Variants in PHLDB3 observed in about 807,000 individuals in gnomAD.
The protein encoded by PHLDB3 is pleckstrin homology like domain family B member 3, also known as pleckstrin homology-like domain family B member 3.
A neutral mutation model predicts 85.7 loss-of-function variants in PHLDB3; 86 were observed. The ratio of observed to expected loss-of-function variants is 1.00; its 90% CI spans 0.84 to 1.20. The LOEUF (loss-of-function observed/expected upper bound fraction) is 1.20, where lower values mean the gene tolerates loss of function less well. Ranked by LOEUF, PHLDB3 falls within the 50% of genes most tolerant of loss-of-function variation. The pLI is 0.00. For missense variants in PHLDB3, 995 were observed against 873.0 expected, an observed-to-expected ratio of 1.14 and a Z score of -1.76; for synonymous variants, 376 against 349.8, an observed-to-expected ratio of 1.07 and a Z score of -0.83.
chr19:43,495,657 C>T, intron 6 of PHLDB3, 37 bp from the exon 7 acceptor site: 1 of 1,582,114 alleles, frequency 6.3e-7, no homozygotes. Context: ...CCCCAGCCAG[C>T]TCTCCAGGCC....
In PHLDB3 at chr19:43,479,472, C is replaced by T. The variant is rs371414695; in HGVS notation, c.1607G>A (p.Arg536His). 3.7e-4 allele frequency: 577 copies of T among 1,562,122 alleles called. No homozygotes were observed. The highest frequency in any genetic ancestry group is 4.5e-4 in the Non-Finnish European group (523 of 1,153,774). The change falls in exon 14 of 16, where the codon CGT becomes CAT. Residue 536 changes from arginine (R) to histidine (H), a missense_variant. Coordinates refer to ENST00000292140, the MANE Select transcript of PHLDB3 (RefSeq NM_198850.4). ...PHVQVSGCCC[R>H]GPLVKMGGRI... ...GCCGCCCATCTTCACCAGGGGTCCA[C>T]GGCAGCAGCACCCAGACACCTGCAC... is the stretch of plus-strand genomic sequence containing the variant.
intron 8 of PHLDB3, 53 bp from the exon 9 acceptor site, chr19:43,494,868 T>G: frequency 7.2e-7 from 1 of 1,391,216 alleles, no homozygotes; most frequent in African/African-American, 1.4e-5. Flanking sequence ...CCAGAGCAAC[T>G]GCCAGTTTCC....
intron 5 of PHLDB3, 44 bp from the exon 6 acceptor site, chr19:43,497,323 G>C (rs1392976893): frequency 1.5e-6 from 2 of 1,358,656 alleles, no homozygotes; most frequent in East Asian, 2.9e-5. Flanking sequence ...GAATCCCTAA[G>C]ACCCCAGGGA....
chr19:43,489,417 C>A (rs572605630), intron 9 of PHLDB3, among the ~76,000 whole-genome samples: 1 of 145,468 alleles, frequency 6.9e-6, no homozygotes, highest in South Asian at 2.2e-4. Flanking sequence ...ATAGAATAAA[C>A]TAGGTATGCA....
In PHLDB3 at chr19:43,493,567, G is replaced by A. The variant is rs183447948; in HGVS notation, c.1149+1135C>T. Among the ~76,000 whole-genome samples, 264 of 151,398 alleles carry A rather than the reference G, an allele frequency of 1.7e-3. 1 individual carries two copies. Among genetic ancestry groups the A allele is most frequent in the Admixed American group, 3.7e-3 (56 of 15,134 alleles). On this transcript the variant is annotated intron_variant, in intron 9 of 15. Coordinates refer to ENST00000292140, the MANE Select transcript of PHLDB3 (RefSeq NM_198850.4). ...GGATCACCTGAGCCTGGGAGGTTGA[G>A]GCTGCAGTGAGCTGTGATCCCACCA...
intron 9 of PHLDB3, among the ~76,000 whole-genome samples, chr19:43,491,648 C>A (rs1056728772): frequency 6.7e-6 from 1 of 148,628 alleles, no homozygotes; most frequent in African/African-American, 2.5e-5. Flanking sequence ...ATTATAGGCA[C>A]GCACCAGCAC....
Position 43,503,938 on chromosome 19 carries a change from C to G in PHLDB3, c.181G>C (p.Glu61Gln), listed in dbSNP as rs755450660. The part of the protein sequence containing the change: ...EQQAEEEEVG[E>Q]GSSTESSRDA... ...CGGCTGCTCTCAGTGCTGCTGCCTTCTCCCACTTCTTCTTCCTCTGCCTGC... is the reference window on the plus strand; with the variant it reads ...CGGCTGCTCTCAGTGCTGCTGCCTTGTCCCACTTCTTCTTCCTCTGCCTGC... The change falls in exon 2 of 16, where the codon GAA becomes CAA. Residue 61 changes from glutamate (E) to glutamine (Q), a missense_variant. Coordinates refer to ENST00000292140, the MANE Select transcript of PHLDB3 (RefSeq NM_198850.4). The G allele has an allele frequency of 1.9e-6, 3 of 1,613,822 alleles. No homozygotes were observed. The African/African-American group carries it at 4.0e-5, about 22-fold the overall frequency.
chr19:43,477,928 G>T, intron 15 of PHLDB3, 119 bp downstream of exon 15: 1 of 666,982 alleles, frequency 1.5e-6, no homozygotes, highest in Non-Finnish European at 2.6e-6. Context: ...GTACTCCTAT[G>T]AGTACCCTGA....
In PHLDB3 at chr19:43,497,159, G is replaced by GGTCT. The variant is rs1407214230; in HGVS notation, c.780_783dup (p.Pro262ArgfsTer78). 2 of 1,556,252 alleles carry GGTCT rather than the reference G, an allele frequency of 1.3e-6. No individual in the cohort carries two copies. Among genetic ancestry groups the GGTCT allele is most frequent in the East Asian group, 4.9e-5 (2 of 40,988 alleles). On this transcript the variant is annotated frameshift_variant, in exon 6 of 16. Transcript: ENST00000292140. LOFTEE classifies it high-confidence loss of function. ...CTGGCCTGGAGTTCCTGGACCTTGG[G>GGTCT]GTCTGGCACCTGGGGCCCAGGGCTG...
At chr19:43,487,574 C>CAAAAAAAAAAAAAAAAAAAAAAAAAAA (rs760708749) in intron 9 of PHLDB3, among the ~76,000 whole-genome samples, 1 of 38,514 alleles carries the variant, frequency 2.6e-5, no homozygotes, top group African/African-American at 1.0e-4. Flanking sequence ...GACTCTGTCT[C>CAAAAAAAAAAAAAAAAAAAAAAAAAAA]AAAAAAAAAA....
At chr19:43,487,591 A>AAAAAAAAAAAAAAAAAAAAAAACAC (rs1167897767) in intron 9 of PHLDB3, among the ~76,000 whole-genome samples, 5 of 115,760 alleles carry the variant, frequency 4.3e-5, no homozygotes, top group Admixed American at 8.0e-5. Context: ...AAAAAAAAAA[A>AAAAAAAAAAAAAAAAAAAAAAACAC]ACACAGAAAA....
intron 9 of PHLDB3, among the ~76,000 whole-genome samples, chr19:43,491,543 C>T (rs1971311423): frequency 1.3e-5 from 2 of 151,984 alleles, no homozygotes; most frequent in Non-Finnish European, 1.5e-5. Context: ...GCTCTGTTGC[C>T]CAGGCTGTCA....
rs755399492 is a variant in PHLDB3 at position 43,504,010 on chromosome 19, C to A, written c.109G>T (p.Ala37Ser). ...GAAGGTTCCGCCAGGACTTCGGATG[C>A]CTCCTGTTCCCGGGACTCCTCGGGA... is the stretch of plus-strand genomic sequence containing the variant. ...GHPEESREQE[A>S]SEVLAEPSSR... The change falls in exon 2 of 16, where the codon GCA (alanine) becomes TCA (serine). Residue 37 changes from alanine to serine, a missense_variant. By Grantham distance (99) the Ala-to-Ser change is moderately conservative. Transcript: ENST00000292140. The A allele has an allele frequency of 6.2e-7, 1 of 1,613,944 alleles. No individual in the cohort carries two copies. The highest frequency in any genetic ancestry group is 8.5e-7 in the Non-Finnish European group (1 of 1,179,820).
At chr19:43,485,718 G>A (rs1289518846) in intron 13 of PHLDB3, among the ~76,000 whole-genome samples, 3 of 150,938 alleles carry the variant, frequency 2.0e-5, no homozygotes, top group Admixed American at 1.3e-4. Context: ...CACCATGCCC[G>A]GCTAATTTTT....
rs749023114 is a variant in PHLDB3 at position 43,497,866 on chromosome 19, C to T, written c.545G>A (p.Arg182Gln). ...GRQQREQEQR[R>Q]LSQERDRLEG... Reference sequence around the variant, plus strand: ...TAGGCGATCCCGTTCCTGGCTCAGCCGCCTCTGTTCCTGAAAGAACAACAA... The same window carrying T: ...TAGGCGATCCCGTTCCTGGCTCAGCTGCCTCTGTTCCTGAAAGAACAACAA... Residue 182 changes from arginine to glutamine, a missense_variant, in exon 5 of 16, where the codon CGG becomes CAG. Coordinates refer to ENST00000292140, the MANE Select transcript of PHLDB3 (RefSeq NM_198850.4). The T allele has an allele frequency of 1.9e-5, 30 of 1,588,554 alleles. No homozygotes were observed. Among genetic ancestry groups the T allele is most frequent in the African/African-American group, 8.1e-5 (6 of 74,372 alleles).
rs57135768 is a variant in PHLDB3, at chr19:43,495,739, GGA to G, written c.826-121_826-120del. The stretch of plus-strand genomic sequence containing the variant: ...AGCCACTCCCAGAGACCATGGGATC[GGA>G]GTGTCCAGGGCTGGGGACCCAGCGT... On this transcript the variant is annotated intron_variant, in intron 6 of 15. Transcript: ENST00000292140. 1.7e-3 allele frequency: 2,372 copies of G among 1,405,306 alleles called. 33 individuals are homozygous for G. In the African/African-American group the frequency reaches 0.031, roughly 18 times the overall value. The allele number at this position is 1,405,306 out of a possible 1,614,324, so 87.1% of individuals were successfully genotyped here. A position where few individuals can be genotyped will look rare whatever the true frequency, so the allele number is the denominator to read the frequency against.
intron 9 of PHLDB3, among the ~76,000 whole-genome samples, chr19:43,492,579 C>T (rs912812668): frequency 9.7e-5 from 14 of 144,552 alleles, no homozygotes; most frequent in Non-Finnish European, 2.1e-4. Context: ...GGAGGCAGAT[C>T]GTGTCACTGC....
Position 43,486,687 on chromosome 19 carries a change from G to A in PHLDB3, c.1350C>T (p.Ala450=). 6.2e-7 allele frequency: 1 copy of A among 1,613,990 alleles called. No individual in the cohort carries two copies. The highest frequency in any genetic ancestry group is 1.1e-5 in the South Asian group (1 of 91,088). ...LNCGRGNSCG[A]IHPDIAHMER... is the part of the protein sequence containing the mutation. The stretch of plus-strand genomic sequence containing the variant: ...CCATGTGGGCAATGTCTGGATGGAT[G>A]GCCCCACAGCTAGGAGGAGGGAACA... Residue 450 remains alanine (A), a synonymous_variant, in exon 12 of 16, where the codon GCC becomes GCT. Transcript: ENST00000292140.
rs144235656 is a variant in PHLDB3 at position 43,488,018 on chromosome 19, G to A, written c.1150-895C>T. On this transcript the variant is annotated intron_variant, in intron 9 of 15. Transcript: ENST00000292140. ...AAAATACAAAAATTAGCCAGGTGTGGTGGCACATGCCTGTAATCCCAGCTT... is the reference window on the plus strand; with the variant it reads ...AAAATACAAAAATTAGCCAGGTGTGATGGCACATGCCTGTAATCCCAGCTT... Among the ~76,000 whole-genome samples, 363 of 152,132 alleles carry A rather than the reference G, an allele frequency of 2.4e-3. 2 individuals carry two copies. The highest frequency in any genetic ancestry group is 8.0e-3 in the African/African-American group (332 of 41,534).
Sources: gnomAD v4.1 joint callset for allele counts (sites outside exome capture counted in the v4.1 genomes callset) on GRCh38, gnomAD v4.1.1 for gene constraint, MANE v1.5 for transcripts, NCBI Gene and HGNC (gene_info 2026-07-23, HGNC 2026-07-21) for gene names.